RTN1: variants seen among roughly 807,000 people sequenced by gnomAD.
RTN1 encodes the protein reticulon-1.
Under a neutral mutation model 65.5 loss-of-function variants are expected in RTN1, and 25 were observed. The observed-to-expected ratio is 0.38, with a 90% CI of 0.28 to 0.53. The LOEUF (loss-of-function observed/expected upper bound fraction) is 0.53, where lower values mean the gene tolerates loss of function less well. Ranked by LOEUF, RTN1 falls within the 20% of genes least tolerant of loss-of-function variation. RTN1 has a pLI of 0.79. For missense variants in RTN1, 983 were observed against 1,025.4 expected, an observed-to-expected ratio of 0.96 and a Z score of 0.57; for synonymous variants, 471 against 447.6, an observed-to-expected ratio of 1.05 and a Z score of -0.66.
chr14:59,764,372 A>G (rs146887106), intron 1 of RTN1, among the ~76,000 whole-genome samples: 10 of 151,776 alleles, frequency 6.6e-5, no homozygotes, highest in East Asian at 1.9e-4. Flanking sequence ...CCAGGCTGGA[A>G]TGCAATGGCG....
At position 59,738,914 on chromosome 14, in the gene RTN1, C is replaced by T. The variant is rs148881012; in HGVS notation, c.1015+6794G>A. Among the ~76,000 whole-genome samples, 298 of 152,206 alleles carry T rather than the reference C, an allele frequency of 2.0e-3. 1 individual carries two copies. The highest frequency in any genetic ancestry group is 0.014 in the Middle Eastern group (4 of 294). On this transcript the variant is annotated intron_variant, in intron 2 of 8. Transcript: ENST00000267484. ...TAATGCAGGAACAGAAAACCAAATA[C>T]CACACGTTCTCACTTATAAGTGGGA...
chr14:59,732,618 G>A (rs1884922876), intron 2 of RTN1, among the ~76,000 whole-genome samples: 1 of 152,180 alleles, frequency 6.6e-6, no homozygotes, highest in Non-Finnish European at 1.5e-5. Context: ...ATCCCCTCAT[G>A]AGGGCCACCA....
intron 3 of RTN1, among the ~76,000 whole-genome samples, chr14:59,664,373 G>A (rs879351237): frequency 9.9e-5 from 15 of 152,100 alleles, no homozygotes; most frequent in Admixed American, 7.2e-4. Flanking sequence ...TGTAGATGAC[G>A]GGTTGATGGG....
At chr14:59,708,179 G>A (rs1166908241) in intron 3 of RTN1, among the ~76,000 whole-genome samples, 1 of 152,164 alleles carries the variant, frequency 6.6e-6, no homozygotes, top group East Asian at 1.9e-4. Context: ...ATTCAAGCAA[G>A]GTTATATCTA....
chr14:59,662,399 G>C (rs1481614467), intron 3 of RTN1, among the ~76,000 whole-genome samples: 1 of 147,658 alleles, frequency 6.8e-6, no homozygotes, highest in East Asian at 2.0e-4. Context: ...CTATGAGTGA[G>C]AACATGCGGT....
At chr14:59,791,963 A>G (rs188647488) in intron 1 of RTN1, among the ~76,000 whole-genome samples, 1 of 152,056 alleles carries the variant, frequency 6.6e-6, no homozygotes, top group African/African-American at 2.4e-5. Flanking sequence ...TCAAGGAGGA[A>G]TGGGAGACTT....
At chr14:59,734,521 C>T (rs865857972) in intron 2 of RTN1, among the ~76,000 whole-genome samples, 7 of 152,140 alleles carry the variant, frequency 4.6e-5, no homozygotes, top group Admixed American at 2.0e-4. Context: ...GACAAAATAG[C>T]CAGTTTAGAC....
At chr14:59,784,998 A>T (rs999189723) in intron 1 of RTN1, among the ~76,000 whole-genome samples, 2 of 152,170 alleles carry the variant, frequency 1.3e-5, no homozygotes, top group African/African-American at 2.4e-5. Context: ...ATCTAAATTG[A>T]TCTGTTTGTC....
intron 3 of RTN1, among the ~76,000 whole-genome samples, chr14:59,645,893 A>AAG (rs1882885407): frequency 6.6e-6 from 1 of 152,200 alleles, no homozygotes; most frequent in Non-Finnish European, 1.5e-5. Flanking sequence ...GAACTCTGAC[A>AAG]AGTCAGATGA....
At chr14:59,757,169 A>G (rs1219765094) in intron 1 of RTN1, among the ~76,000 whole-genome samples, 1 of 152,092 alleles carries the variant, frequency 6.6e-6, no homozygotes, top group Non-Finnish European at 1.5e-5. Flanking sequence ...CAAAGATGAT[A>G]GTATTAGGAG....
At chr14:59,598,621 A>C (rs1881482320) in intron 8 of RTN1, among the ~76,000 whole-genome samples, 1 of 152,148 alleles carries the variant, frequency 6.6e-6, no homozygotes, top group African/African-American at 2.4e-5. Flanking sequence ...CTTCTATTTG[A>C]ATACTTGAAT....
chr14:59,852,621 A>G (rs1887529471), intron 1 of RTN1, among the ~76,000 whole-genome samples: 1 of 152,208 alleles, frequency 6.6e-6, no homozygotes, highest in Admixed American at 6.5e-5. Flanking sequence ...TAGACCCATC[A>G]TTAAGCCCTT....
chr14:59,806,320 T>C (rs755852716), intron 1 of RTN1, among the ~76,000 whole-genome samples: 25 of 152,016 alleles, frequency 1.6e-4, no homozygotes, highest in Non-Finnish European at 3.2e-4. Flanking sequence ...ATATTTCTTT[T>C]GCTTCTCATT....
intron 2 of RTN1, among the ~76,000 whole-genome samples, chr14:59,736,273 C>G (rs142389692): frequency 1.3e-3 from 197 of 151,950 alleles, no homozygotes; most frequent in African/African-American, 4.3e-3. Flanking sequence ...TAAAAATCAA[C>G]CATTAGCTAG....
At chr14:59,702,504 C>T (rs891278831) in intron 3 of RTN1, among the ~76,000 whole-genome samples, 2 of 152,186 alleles carry the variant, frequency 1.3e-5, no homozygotes, top group Admixed American at 6.5e-5. Context: ...AAGGCTTTTA[C>T]CCATCCATTC....
chr14:59,662,335 G>A (rs570594794), intron 3 of RTN1, among the ~76,000 whole-genome samples: 6 of 94,004 alleles, frequency 6.4e-5, no homozygotes, highest in Admixed American at 3.1e-4. Context: ...AACAGGCCCC[G>A]GTGTGTGATG....
rs2139685970 is a variant in RTN1 at position 59,870,640 on chromosome 14, T to G, written c.-10A>C. ...CCCCCGGCGCGGCCATGGCTGGCGG[T>G]CCCCCGGCGCGGCGACGGCGGCTTG... On this transcript the variant is annotated 5_prime_UTR_variant, in exon 1 of 9. Transcript: ENST00000267484. This position sits in a 1 kb window ranked among gnomAD's most constrained non-coding sequence, Gnocchi z 5.1. 1.5e-6 allele frequency: 2 copies of G among 1,373,350 alleles called. 1 individual carries two copies. Among genetic ancestry groups the G allele is most frequent in the African/African-American group, 3.0e-5 (2 of 65,688 alleles). The allele number at this position is 1,373,350 out of a possible 1,614,324, so 85.1% of individuals were successfully genotyped here. A position where few individuals can be genotyped will look rare whatever the true frequency, so the allele number is the denominator to read the frequency against.
At position 59,745,859 on chromosome 14, in the gene RTN1, T is replaced by C. The variant is rs1215013885; in HGVS notation, c.864A>G (p.Ile288Met). The C allele has an allele frequency of 6.2e-7, 1 of 1,614,142 alleles. No homozygotes were observed. Among genetic ancestry groups the C allele is most frequent in the Admixed American group, 1.7e-5 (1 of 60,014 alleles). ...GGGTAGTGGTTTCAACAGAAGGTTC[T>C]ATTTCCGTCAGTGTGATTTTGACAG... Reference protein sequence around the residue: ...TTPVKITLTEIEPSVETTTQE... With the variant: ...TTPVKITLTEMEPSVETTTQE... Residue 288 changes from isoleucine to methionine, a missense_variant, in exon 2 of 9, where the codon ATA becomes ATG. Coordinates refer to ENST00000267484, the MANE Select transcript of RTN1 (RefSeq NM_021136.3).
chr14:59,714,107 C>T (rs1461270190), intron 3 of RTN1, among the ~76,000 whole-genome samples: 3 of 151,930 alleles, frequency 2.0e-5, no homozygotes, highest in Non-Finnish European at 2.9e-5. Flanking sequence ...TGGTGGCAGG[C>T]GCCTGTAATC....
Sources: allele counts gnomAD v4.1 joint callset (sites outside exome capture counted in the v4.1 genomes callset), GRCh38; gene constraint gnomAD v4.1.1; non-coding constraint Gnocchi (gnomAD v3.1); transcripts MANE v1.5; gene names NCBI Gene and HGNC (gene_info 2026-07-23, HGNC 2026-07-21).